FBLN1: variants seen among roughly 807,000 people sequenced by gnomAD.
FBLN1 encodes fibulin-1.
Under a neutral mutation model 89.7 loss-of-function variants are expected in FBLN1, and 34 were observed. That is an observed-to-expected ratio of 0.38 (90% CI 0.29 to 0.50). FBLN1 has a LOEUF of 0.50. FBLN1 is among the 20% of genes least tolerant of loss of function. FBLN1 has a pLI of 0.92. For synonymous variants in FBLN1, 393 were observed against 391.3 expected (o/e 1.00, Z -0.05); for missense variants, 777 against 988.1 (o/e 0.79, Z 2.86).
At position 45,537,574 on chromosome 22, in the gene FBLN1, C is replaced by T. The variant is rs554023046; in HGVS notation, c.922+2237C>T. 3.5e-3 allele frequency among the ~76,000 whole-genome samples: 537 copies of T among 151,442 alleles called. 3 individuals carry two copies. The highest frequency in any genetic ancestry group is 5.6e-3 in the Non-Finnish European group (379 of 67,900). On this transcript the variant is annotated intron_variant, in intron 8 of 16. Transcript: ENST00000327858. This position sits in a 1 kb window ranked among gnomAD's most constrained non-coding sequence, Gnocchi z 5.7. ...GGTGGAGGTTGTAGTGAGCCAAGAT[C>T]GTGCCACTGCACTCCAGCCTGGACA...
At chr22:45,507,038 A>G (rs539368214) in intron 1 of FBLN1, among the ~76,000 whole-genome samples, 5 of 152,314 alleles carry the variant, frequency 3.3e-5, no homozygotes, top group African/African-American at 9.6e-5. Context: ...ATAAGTAAAC[A>G]GGGTGGGAGG....
At chr22:45,587,328 AG>A in intron 16 of FBLN1, among the ~76,000 whole-genome samples, 1 of 82,674 alleles carries the variant, frequency 1.2e-5, no homozygotes, top group South Asian at 4.4e-4. Context: ...CTGCCCGGCC[AG>A]AGACACGTCC....
chr22:45,539,726 G>C (rs972517844), intron 8 of FBLN1, among the ~76,000 whole-genome samples: 2 of 152,208 alleles, frequency 1.3e-5, no homozygotes, highest in Non-Finnish European at 2.9e-5. Context: ...CTCACCCTAT[G>C]CTTTACATTG....
intron 16 of FBLN1, among the ~76,000 whole-genome samples, chr22:45,591,075 G>A (rs564782732): frequency 6.6e-6 from 1 of 152,320 alleles, no homozygotes; most frequent in South Asian, 2.1e-4. Context: ...AGGTGCCTCA[G>A]ACAGCAGATC....
Position 45,541,304 on chromosome 22 carries a change from C to T in FBLN1, c.998C>T (p.Thr333Met), listed in dbSNP as rs765694201. 3.7e-5 allele frequency: 59 copies of T among 1,614,242 alleles called. No homozygotes were observed. The East Asian group carries it at 6.5e-4, about 18-fold the overall frequency. ...HTCINTEGSY[T>M]CQKNVPNCGR... ...TGCATCAACACAGAGGGCTCCTACACGTGCCAGAAGAACGTGCCCAACTGT... is the reference window on the plus strand; with the variant it reads ...TGCATCAACACAGAGGGCTCCTACATGTGCCAGAAGAACGTGCCCAACTGT... The change falls in exon 9 of 17, where the codon ACG (threonine) becomes ATG (methionine). Residue 333 changes from threonine to methionine, a missense_variant. Coordinates refer to ENST00000327858, the MANE Select transcript of FBLN1 (RefSeq NM_006486.3).
intron 9 of FBLN1, 56 bp downstream of exon 9, chr22:45,541,428 A>G: frequency 6.2e-7 from 1 of 1,606,190 alleles, no homozygotes; most frequent in Non-Finnish European, 8.5e-7. Flanking sequence ...TCCAGCATGC[A>G]CCCTGCCTTC....
intron 16 of FBLN1, among the ~76,000 whole-genome samples, chr22:45,584,389 A>G (rs2089067518): frequency 6.6e-6 from 1 of 152,174 alleles, no homozygotes; most frequent in Non-Finnish European, 1.5e-5. Context: ...GTGGGTGTAT[A>G]AGGATTATTA....
In FBLN1 at chr22:45,563,200, C is replaced by T. The variant is rs771387381; in HGVS notation, c.1698-11311C>T. On this transcript the variant is annotated intron_variant, in intron 14 of 16. Coordinates refer to ENST00000327858, the MANE Select transcript of FBLN1 (RefSeq NM_006486.3). The surrounding 1 kb of genome is among the most constrained non-coding windows in gnomAD (Gnocchi z 5.7). ...TGCTCCTGACCGTCAAGATGGATCTCTCTCGCCACGGCACCGTCAGCTCCT... is the reference window on the plus strand; with the variant it reads ...TGCTCCTGACCGTCAAGATGGATCTTTCTCGCCACGGCACCGTCAGCTCCT... 3.7e-6 allele frequency: 6 copies of T among 1,613,814 alleles called. No individual in the cohort carries two copies. In the South Asian group the frequency reaches 5.5e-5, roughly 15 times the overall value.
rs774257607 is a variant in FBLN1, at chr22:45,550,659, C to A, written c.1697+44C>A. 1.2e-6 allele frequency: 2 copies of A among 1,613,794 alleles called. No individual in the cohort carries two copies. The highest frequency in any genetic ancestry group is 1.7e-6 in the Non-Finnish European group (2 of 1,179,984). ...GCCATCGTCGTCTGTCTGTGTTGGC[C>A]TTCCTGGTGACCCAGTTCCCGGGTG... On this transcript the variant is annotated intron_variant, in intron 14 of 16. Coordinates refer to ENST00000327858, the MANE Select transcript of FBLN1 (RefSeq NM_006486.3). The surrounding 1 kb of genome is among the most constrained non-coding windows in gnomAD (Gnocchi z 8.4).
At chr22:45,527,582 G>A (rs1298377923) in intron 3 of FBLN1, among the ~76,000 whole-genome samples, 2 of 152,062 alleles carry the variant, frequency 1.3e-5, no homozygotes, top group African/African-American at 2.4e-5. Flanking sequence ...GGGTGCAATT[G>A]CATGTTGGGG....
chr22:45,531,393 G>A lies in FBLN1; in HGVS notation c.544+69G>A, dbSNP rs1057161031. 1.4e-6 allele frequency: 2 copies of A among 1,383,196 alleles called. No individual in the cohort carries two copies. Among genetic ancestry groups the A allele is most frequent in the African/African-American group, 1.4e-5 (1 of 69,940 alleles). The allele number at this position is 1,383,196 out of a possible 1,614,324, so 85.7% of individuals were successfully genotyped here. ...CCAAGGGGCCAGCAAGGTGGCTCAGGCCTGTAATCCTAGTACTTTGGGAAG... is the reference window on the plus strand; with the variant it reads ...CCAAGGGGCCAGCAAGGTGGCTCAGACCTGTAATCCTAGTACTTTGGGAAG... On this transcript the variant is annotated intron_variant, in intron 5 of 16. Coordinates refer to ENST00000327858, the MANE Select transcript of FBLN1 (RefSeq NM_006486.3). The surrounding 1 kb of genome is among the most constrained non-coding windows in gnomAD (Gnocchi z 4.9).
intron 4 of FBLN1, among the ~76,000 whole-genome samples, chr22:45,528,799 T>C (rs2088365567): frequency 6.6e-6 from 1 of 152,198 alleles, no homozygotes; most frequent in African/African-American, 2.4e-5. Context: ...CAGCACGGAC[T>C]AACTCCGGTT....
At chr22:45,586,178 G>A (rs760454445) in intron 16 of FBLN1, among the ~76,000 whole-genome samples, 6 of 152,196 alleles carry the variant, frequency 3.9e-5, no homozygotes, top group East Asian at 1.9e-4. Context: ...GCATTCATTC[G>A]GAGCTCAAGG....
intron 6 of FBLN1, 129 bp downstream of exon 6, chr22:45,533,293 A>C: frequency 1.2e-6 from 1 of 863,772 alleles, no homozygotes; most frequent in Non-Finnish European, 1.9e-6. Context: ...GCAGCCCAGG[A>C]CGCGCTTTCT....
In FBLN1 at chr22:45,563,948, C is replaced by T. The variant is rs1052161524; in HGVS notation, c.1698-10563C>T. Among the ~76,000 whole-genome samples, 2 of 152,190 alleles carry T rather than the reference C, an allele frequency of 1.3e-5. No homozygotes were observed. Among genetic ancestry groups the T allele is most frequent in the Non-Finnish European group, 2.9e-5 (2 of 68,028 alleles). ...TCTTGCCTCAGTGAAGTCGTTTTGC[C>T]CCCACTGAGGATCCTGGCCCTGTGC... is the stretch of plus-strand genomic sequence containing the variant. On this transcript the variant is annotated intron_variant, in intron 14 of 16. Transcript: ENST00000327858. The surrounding 1 kb of genome is among the most constrained non-coding windows in gnomAD (Gnocchi z 5.7).
intron 14 of FBLN1, among the ~76,000 whole-genome samples, chr22:45,553,990 T>TGTGCGC (rs936093629): frequency 1.3e-5 from 2 of 152,324 alleles, no homozygotes; most frequent in East Asian, 1.9e-4. Flanking sequence ...TGTGTGTGCG[T>TGTGCGC]GTGCGCGTGC....
chr22:45,518,519 G>A, intron 1 of FBLN1, 163 bp from the exon 2 acceptor site: 4 of 671,548 alleles, frequency 6.0e-6, no homozygotes. Flanking sequence ...CTGGGGTCTG[G>A]TGGGGTTTTC....
intron 8 of FBLN1, 102 bp downstream of exon 8, chr22:45,535,439 A>G: frequency 6.8e-7 from 1 of 1,461,932 alleles, no homozygotes; most frequent in Admixed American, 1.9e-5. Context: ...TGGTATACAG[A>G]ACAGGGGTTG....
At position 45,600,454 on chromosome 22, in the gene FBLN1, T is replaced by G. The variant is rs753188744; in HGVS notation, c.*8T>G. 2.4e-5 allele frequency: 39 copies of G among 1,614,042 alleles called. No homozygotes were observed. In the Admixed American group the frequency reaches 4.3e-4, roughly 18 times the overall value. On this transcript the variant is annotated 3_prime_UTR_variant, in exon 17 of 17. Transcript: ENST00000327858. ...TCTGAGTACTGGTTCTGAGGGCTGG[T>G]CTGCCGCACAGCCGCAGGTGCACCT...
Sources: allele counts gnomAD v4.1 joint callset (sites outside exome capture counted in the v4.1 genomes callset), GRCh38; gene constraint gnomAD v4.1.1; non-coding constraint Gnocchi (gnomAD v3.1); transcripts MANE v1.5; gene names NCBI Gene and HGNC (gene_info 2026-07-23, HGNC 2026-07-21).